The following CORIN variants were observed in gnomAD, a reference collection of about 807,000 sequenced individuals.
CORIN encodes atrial natriuretic peptide-converting enzyme.
CORIN carries 117 observed loss-of-function variants against 125.3 expected under a neutral mutation model. That is an observed-to-expected ratio of 0.93 (90% confidence interval 0.80 to 1.09). CORIN has a LOEUF of 1.09. CORIN is among the 50% of genes least tolerant of loss of function. The probability of loss-of-function intolerance (pLI) is 0.00; values close to 1 mark genes in which losing one functional copy is unlikely to be tolerated. For missense variants in CORIN, 1,253 were observed against 1,306.7 expected (o/e 0.96, Z 0.63); for synonymous variants, 450 against 466.4 (o/e 0.96, Z 0.45).
chr4:47,605,084 T>C (rs1721599832), intron 19 of CORIN, among the ~76,000 whole-genome samples: 1 of 152,104 alleles, frequency 6.6e-6, no homozygotes, highest in African/African-American at 2.4e-5. Flanking sequence ...CATTACTCCT[T>C]CTCTTCATCC....
intron 5 of CORIN, among the ~76,000 whole-genome samples, chr4:47,710,666 T>G (rs375662248): frequency 1.6e-4 from 25 of 152,250 alleles, no homozygotes; most frequent in African/African-American, 5.5e-4. Flanking sequence ...GTTGCCAATC[T>G]GTGCCCAGGC....
chr4:47,837,775 G>A, intron 1 of CORIN, 112 bp downstream of exon 1: 8 of 937,258 alleles, frequency 8.5e-6, no homozygotes, highest in South Asian at 3.9e-5. Flanking sequence ...TGGGGAAGGA[G>A]GTGGCATCGG....
At chr4:47,711,180 C>A (rs1198659312) in intron 5 of CORIN, among the ~76,000 whole-genome samples, 1 of 152,232 alleles carries the variant, frequency 6.6e-6, no homozygotes, top group Non-Finnish European at 1.5e-5. Context: ...CCACCCACAT[C>A]TCTCCTGCCA....
intron 10 of CORIN, among the ~76,000 whole-genome samples, chr4:47,673,970 C>CAA (rs61760495): frequency 3.0e-4 from 46 of 151,460 alleles, no homozygotes; most frequent in African/African-American, 1.0e-3. Context: ...GAGTGTGTCT[C>CAA]AAAAAAAACA....
At chr4:47,713,051 A>C (rs1358315569) in intron 5 of CORIN, among the ~76,000 whole-genome samples, 1 of 152,190 alleles carries the variant, frequency 6.6e-6, no homozygotes, top group Non-Finnish European at 1.5e-5. Flanking sequence ...AAAAACTGAG[A>C]GGAAAAATGG....
chr4:47,653,662 T>C lies in CORIN; in HGVS notation c.1736-2A>G, dbSNP rs1476064689. On this transcript the variant is annotated splice_acceptor_variant, in intron 12 of 21. Transcript: ENST00000273857. LOFTEE classifies it high-confidence loss of function. ...ACTTGAAATGACTAGGTGAGCATTC[T>C]ATTAAAAACAATATTACTGTTAAAG... 39 of 1,612,278 alleles carry C rather than the reference T, an allele frequency of 2.4e-5. No individual in the cohort carries two copies. The highest frequency in any genetic ancestry group is 3.1e-5 in the Non-Finnish European group (36 of 1,178,700).
At position 47,807,009 on chromosome 4, in the gene CORIN, G is replaced by A. The variant is rs758365139; in HGVS notation, c.102C>T (p.Cys34=). Residue 34 remains cysteine (C), a synonymous_variant, in exon 2 of 22, where the codon TGC becomes TGT. Transcript: ENST00000273857. The part of the protein sequence containing the change: ...RADDNNMGNG[C]SQKLATANLL... ...GGTTAGCAGTCGCCAGCTTCTGAGA[G>A]CAGCCATTGCCCATGTTATTGTCAT... The A allele has an allele frequency of 1.9e-6, 3 of 1,614,000 alleles. No individual in the cohort carries two copies. Among genetic ancestry groups the A allele is most frequent in the Admixed American group, 1.7e-5 (1 of 59,996 alleles).
chr4:47,726,060 A>C (rs1727581089), intron 5 of CORIN, among the ~76,000 whole-genome samples: 1 of 152,080 alleles, frequency 6.6e-6, no homozygotes, highest in Non-Finnish European at 1.5e-5. Context: ...CTACACACCT[A>C]TTAGAGTGGT....
At chr4:47,598,508 GCTCT>G (rs1721334533) in intron 21 of CORIN, among the ~76,000 whole-genome samples, 1 of 152,138 alleles carries the variant, frequency 6.6e-6, no homozygotes, top group Admixed American at 6.5e-5. Flanking sequence ...TGGGCCTTCA[GCTCT>G]CTGTCAAGGA....
chr4:47,732,119 A>T (rs1727903101), intron 5 of CORIN, among the ~76,000 whole-genome samples: 1 of 152,198 alleles, frequency 6.6e-6, no homozygotes, highest in Non-Finnish European at 1.5e-5. Context: ...GAGATTTCCC[A>T]GAGAAAATAT....
chr4:47,653,434 G>C, intron 13 of CORIN, 119 bp downstream of exon 13: 1 of 755,346 alleles, frequency 1.3e-6, no homozygotes, highest in Non-Finnish European at 2.2e-6. Flanking sequence ...AAGAAGTAAA[G>C]ACATTAGCAT....
chr4:47,802,397 T>C (rs899319375), intron 2 of CORIN, among the ~76,000 whole-genome samples: 1 of 151,778 alleles, frequency 6.6e-6, no homozygotes, highest in Non-Finnish European at 1.5e-5. Context: ...GAAGAGTGAG[T>C]CCCAGGCCTG....
chr4:47,601,425 C>T (rs950913262), intron 20 of CORIN, among the ~76,000 whole-genome samples: 10 of 151,972 alleles, frequency 6.6e-5, no homozygotes, highest in African/African-American at 2.4e-4. Flanking sequence ...TCACTGCAGC[C>T]TCCACCTTCA....
intron 1 of CORIN, among the ~76,000 whole-genome samples, chr4:47,826,645 C>G (rs190054657): frequency 9.8e-5 from 15 of 152,352 alleles, no homozygotes; most frequent in African/African-American, 3.6e-4. Context: ...GTGATCACAT[C>G]AGGACCTCCC....
chr4:47,652,528 A>G (rs548077418), intron 13 of CORIN: 4 of 152,330 alleles, frequency 2.6e-5, no homozygotes, highest in African/African-American at 9.6e-5. Context: ...ATCTTCAATC[A>G]TTTTGCTTTC....
At chr4:47,717,715 A>T (rs528088393) in intron 5 of CORIN, among the ~76,000 whole-genome samples, 4 of 152,322 alleles carry the variant, frequency 2.6e-5, no homozygotes, top group African/African-American at 9.6e-5. Context: ...TTCATGTTCA[A>T]TCTGTTAGAC....
chr4:47,734,596 T>C (rs1055014705), intron 5 of CORIN, among the ~76,000 whole-genome samples: 2 of 152,216 alleles, frequency 1.3e-5, no homozygotes, highest in African/African-American at 4.8e-5. Context: ...TACACGTGGG[T>C]ATCACAGATT....
chr4:47,786,544 A>AAACAAC (rs969631959), intron 3 of CORIN, among the ~76,000 whole-genome samples, 181 bp downstream of exon 3: 9 of 151,994 alleles, frequency 5.9e-5, no homozygotes, highest in East Asian at 3.9e-4. Flanking sequence ...TCCGCCTGAA[A>AAACAAC]AACAACAACA....
intron 5 of CORIN, among the ~76,000 whole-genome samples, chr4:47,715,886 G>A (rs902767302): frequency 6.6e-6 from 1 of 152,182 alleles, no homozygotes; most frequent in African/African-American, 2.4e-5. Context: ...TATTGGAACG[G>A]GTTGGCAAAG....
Sources: allele counts gnomAD v4.1 joint callset (sites outside exome capture counted in the v4.1 genomes callset), GRCh38; gene constraint gnomAD v4.1.1; transcripts MANE v1.5; gene names NCBI Gene and HGNC (gene_info 2026-07-23, HGNC 2026-07-21).